The following BSPRY variants were observed in gnomAD, a reference collection of about 807,000 sequenced individuals.
The protein encoded by BSPRY is B-box and SPRY domain containing.
Under a neutral mutation model 38.0 loss-of-function variants are expected in BSPRY, and 33 were observed. The ratio of observed to expected loss-of-function variants is 0.87; its 90% CI spans 0.66 to 1.16. The LOEUF (loss-of-function observed/expected upper bound fraction) is 1.16, where lower values mean the gene tolerates loss of function less well. BSPRY is among the 50% of genes most tolerant of loss of function. BSPRY has a pLI of 0.00. For missense variants in BSPRY, 523 were observed against 533.2 expected, an observed-to-expected ratio of 0.98 and a Z score of 0.19; for synonymous variants, 224 against 228.5, an observed-to-expected ratio of 0.98 and a Z score of 0.18.
intron 1 of BSPRY, among the ~76,000 whole-genome samples, chr9:113,350,865 A>C (rs989664017): frequency 6.6e-6 from 1 of 152,206 alleles, no homozygotes; most frequent in Non-Finnish European, 1.5e-5. Flanking sequence ...ATGGACAAAA[A>C]AATTTGCAAA....
rs766332936 is a variant in BSPRY at position 113,370,192 on chromosome 9, T to G, written c.*50T>G. The G allele has an allele frequency of 2.6e-6, 4 of 1,510,738 alleles. No homozygotes were observed. The South Asian group carries it at 5.3e-5, about 20-fold the overall frequency. 93.6% of individuals were successfully genotyped at this position (1,510,738 alleles called of 1,614,324 possible). On this transcript the variant is annotated 3_prime_UTR_variant, in exon 6 of 6. Transcript: ENST00000374183. This position sits in a 1 kb window ranked among gnomAD's most constrained non-coding sequence, Gnocchi z 4.8. The stretch of plus-strand genomic sequence containing the variant: ...CACCGCCCACCACCCTTTCAGGCCA[T>G]GTTTCTACTCAGTGTGCTTTTCCCA...
chr9:113,370,029 C>G lies in BSPRY; in HGVS notation c.1096C>G (p.Leu366Val). ...GCTGGACTTGCAGGTTCAGGAGCTG[C>G]TCTTCTATGAGCCAGCCTCCGGCAC... ...VVLDLQVQELLFYEPASGTVL... is the reference protein window; with the variant it reads ...VVLDLQVQELVFYEPASGTVL... The change falls in exon 6 of 6, where the codon CTC (leucine) becomes GTC (valine). Residue 366 changes from leucine (L) to valine (V), a missense_variant. Leu to Val is a conservative substitution (Grantham distance 32). Transcript: ENST00000374183. The surrounding 1 kb of genome is among the most constrained non-coding windows in gnomAD (Gnocchi z 4.8). 6.2e-7 allele frequency: 1 copy of G among 1,614,138 alleles called. No homozygotes were observed. Among genetic ancestry groups the G allele is most frequent in the Non-Finnish European group, 8.5e-7 (1 of 1,180,038 alleles).
At chr9:113,368,532 A>G in intron 5 of BSPRY, 149 bp downstream of exon 5, 3 of 1,119,152 alleles carry the variant, frequency 2.7e-6, no homozygotes, top group Non-Finnish European at 3.8e-6. Flanking sequence ...AGTAGGGTCA[A>G]GGTTCCAGAC....
intron 4 of BSPRY, among the ~76,000 whole-genome samples, chr9:113,365,495 CAT>C (rs1202816616): frequency 6.6e-6 from 1 of 152,198 alleles, no homozygotes; most frequent in Non-Finnish European, 1.5e-5. Context: ...AAGTTCCCAT[CAT>C]TCTTTGAGCA....
At chr9:113,362,458 A>C in intron 4 of BSPRY, 64 bp downstream of exon 4, 1 of 1,529,318 alleles carries the variant, frequency 6.5e-7, no homozygotes. Context: ...TTCACACTCC[A>C]CTGCCTTCAG....
rs565749327 is a variant in BSPRY, at chr9:113,359,781, TC to T, written c.301-723del. On this transcript the variant is annotated intron_variant, in intron 2 of 5. Transcript: ENST00000374183. ...TGGGCACAGTGGCTCATGCCTATAA[TC>T]CCAGCGCTTTGTGGGGCTGAGTTGG... 5.0e-4 allele frequency among the ~76,000 whole-genome samples: 76 copies of T among 152,214 alleles called. 1 individual carries two copies. The East Asian group carries it at 0.013, about 26-fold the overall frequency.
Position 113,370,202 on chromosome 9 carries a change from CAG to C in BSPRY, c.*61_*62del, listed in dbSNP as rs1193898061. ...CACCCTTTCAGGCCATGTTTCTACT[CAG>C]TGTGCTTTTCCCAAATGATGTGTGT... On this transcript the variant is annotated 3_prime_UTR_variant, in exon 6 of 6. Transcript: ENST00000374183. The surrounding 1 kb of genome is among the most constrained non-coding windows in gnomAD (Gnocchi z 4.8). The C allele has an allele frequency of 2.7e-6, 4 of 1,498,064 alleles. No homozygotes were observed. The highest frequency in any genetic ancestry group is 2.7e-6 in the Non-Finnish European group (3 of 1,118,894). 92.8% of individuals were successfully genotyped at this position (1,498,064 alleles called of 1,614,324 possible). A position where few individuals can be genotyped will look rare whatever the true frequency, so the allele number is the denominator to read the frequency against.
At chr9:113,363,792 C>T (rs10981772) in intron 4 of BSPRY, among the ~76,000 whole-genome samples, 1 of 142,544 alleles carries the variant, frequency 7.0e-6, no homozygotes, top group Non-Finnish European at 1.5e-5. Flanking sequence ...GCAGGAGAAT[C>T]TCTTGAACCC....
chr9:113,352,457 A>G (rs1005734506), intron 1 of BSPRY, among the ~76,000 whole-genome samples: 1 of 142,944 alleles, frequency 7.0e-6, no homozygotes, highest in African/African-American at 2.6e-5. Flanking sequence ...AAGAGATGAC[A>G]TCTGAATGCA....
intron 4 of BSPRY, among the ~76,000 whole-genome samples, chr9:113,363,887 A>G (rs1834198749): frequency 7.2e-6 from 1 of 139,392 alleles, no homozygotes; most frequent in East Asian, 2.0e-4. Context: ...AAAAAAAAAA[A>G]AAAAAAAAAA....
rs1834332344 is a variant in BSPRY at position 113,370,564 on chromosome 9, C to T, written c.*422C>T. The T allele has an allele frequency of 6.4e-6, 1 of 155,974 alleles. No homozygotes were observed. The highest frequency in any genetic ancestry group is 1.4e-5 in the Non-Finnish European group (1 of 70,888). The allele number at this position is 155,974 out of a possible 1,614,324, so 9.7% of individuals were successfully genotyped here. A position where few individuals can be genotyped will look rare whatever the true frequency, so the allele number is the denominator to read the frequency against. ...CTCCCTGGGCCTTAGTCTCCCAAAT[C>T]CACCATGCATCTGCCCCTCTGAGGG... On this transcript the variant is annotated 3_prime_UTR_variant, in exon 6 of 6. Transcript: ENST00000374183. This position sits in a 1 kb window ranked among gnomAD's most constrained non-coding sequence, Gnocchi z 4.8.
chr9:113,351,767 G>A (rs189269861), intron 1 of BSPRY, among the ~76,000 whole-genome samples: 124 of 151,674 alleles, frequency 8.2e-4, no homozygotes, highest in African/African-American at 2.8e-3. Flanking sequence ...CAGCTTTCCC[G>A]TTTCTTTCTC....
intron 3 of BSPRY, 28 bp from the exon 4 acceptor site, chr9:113,362,341 A>G (rs1461840205): frequency 6.2e-7 from 1 of 1,613,918 alleles, no homozygotes; most frequent in Non-Finnish European, 8.5e-7. Flanking sequence ...TCTGGTGCCA[A>G]GCTTGACTTT....
At chr9:113,362,917 C>T (rs558738794) in intron 4 of BSPRY, among the ~76,000 whole-genome samples, 7 of 152,198 alleles carry the variant, frequency 4.6e-5, no homozygotes, top group Non-Finnish European at 1.0e-4. Context: ...TCTAAAAGAG[C>T]TGAGGGCCTG....
intron 4 of BSPRY, among the ~76,000 whole-genome samples, chr9:113,366,498 C>G (rs946941395): frequency 2.1e-4 from 32 of 152,240 alleles, no homozygotes; most frequent in African/African-American, 7.7e-4. Context: ...GCCGCACCAT[C>G]TGGGCATTCT....
chr9:113,366,355 C>T (rs140444069), intron 4 of BSPRY, among the ~76,000 whole-genome samples: 1 of 152,334 alleles, frequency 6.6e-6, no homozygotes, highest in East Asian at 1.9e-4. Flanking sequence ...CGAATATACT[C>T]TCAAAGTAGT....
intron 1 of BSPRY, among the ~76,000 whole-genome samples, chr9:113,351,382 A>G (rs1469244634): frequency 2.6e-5 from 4 of 152,206 alleles, no homozygotes; most frequent in African/African-American, 4.8e-5. Context: ...CAAGATTATT[A>G]CCAAAACCAG....
chr9:113,349,667 A>G lies in BSPRY; in HGVS notation c.88A>G (p.Ser30Gly). 2 of 1,243,104 alleles carry G rather than the reference A, an allele frequency of 1.6e-6. No homozygotes were observed. The highest frequency in any genetic ancestry group is 2.0e-6 in the Non-Finnish European group (2 of 992,460). 77.0% of individuals were successfully genotyped at this position (1,243,104 alleles called of 1,614,324 possible). ...CTGCCCCGAACACGGCCAGGCTCTG[A>G]GCTGGTTCTGCGGCTCCGAGCGACG... ...PLCPEHGQAL[S>G]WFCGSERRPV... Residue 30 changes from serine (S) to glycine (G), a missense_variant, in exon 1 of 6, where the codon AGC becomes GGC. Ser to Gly is a moderately conservative substitution (Grantham distance 56). Transcript: ENST00000374183.
At chr9:113,364,963 T>TA (rs1834223759) in intron 4 of BSPRY, among the ~76,000 whole-genome samples, 1 of 144,086 alleles carries the variant, frequency 6.9e-6, no homozygotes, top group Non-Finnish European at 1.5e-5. Context: ...TTTTTTTTTT[T>TA]TAACATTTTT....
Sources: allele counts gnomAD v4.1 joint callset (sites outside exome capture counted in the v4.1 genomes callset), GRCh38; gene constraint gnomAD v4.1.1; non-coding constraint Gnocchi (gnomAD v3.1); transcripts MANE v1.5; gene names NCBI Gene and HGNC (gene_info 2026-07-23, HGNC 2026-07-21).